CP: variants seen among roughly 807,000 people sequenced by gnomAD.
The protein encoded by CP is caeruloplasmin.
Under a neutral mutation model 122.4 loss-of-function variants are expected in CP, and 64 were observed. That is an observed-to-expected ratio of 0.52 (90% CI 0.43 to 0.64). The LOEUF is 0.64. Among genes scored for constraint, CP ranks in the 30% least tolerant of loss-of-function variants. The pLI is 0.00. For synonymous variants in CP, 440 were observed against 436.4 expected (o/e 1.01, Z -0.10); for missense variants, 1,167 against 1,284.4 (o/e 0.91, Z 1.40).
downstream of CP, among the ~76,000 whole-genome samples, chr3:149,171,667 A>C (rs1725001960): frequency 6.6e-6 from 1 of 151,566 alleles, no homozygotes. Flanking sequence ...TTTTCTTTGA[A>C]GTTATAACAT....
Position 149,210,349 on chromosome 3 carries a change from A to G in CP, c.425T>C (p.Phe142Ser). Residue 142 changes from phenylalanine (F) to serine (S), a missense_variant, in exon 3 of 19, where the codon TTT (phenylalanine) becomes TCT (serine). Physicochemically the swap from Phe to Ser is radical, Grantham distance 155. Coordinates refer to ENST00000264613, the MANE Select transcript of CP (RefSeq NM_000096.4). The stretch of plus-strand genomic sequence containing the variant: ...ATATACTTTGTCATCTGCTCTTTGA[A>G]AATCTGTGGTGTTATCAGGGTAGAT... ...GAIYPDNTTD[F>S]QRADDKVYPG... is the part of the protein sequence containing the mutation. 6.2e-7 allele frequency: 1 copy of G among 1,614,078 alleles called. No individual in the cohort carries two copies. Among genetic ancestry groups the G allele is most frequent in the Non-Finnish European group, 8.5e-7 (1 of 1,179,932 alleles).
chr3:149,188,407 A>G (rs1323667272), intron 9 of CP, among the ~76,000 whole-genome samples: 4 of 140,788 alleles, frequency 2.8e-5, no homozygotes, highest in Non-Finnish European at 6.1e-5. Context: ...TTGTGGTTCA[A>G]TATGGTAATC....
chr3:149,182,070 C>A lies in CP; in HGVS notation c.2489G>T (p.Arg830Met). Residue 830 changes from arginine (R) to methionine (M), a missense_variant, in exon 14 of 19, where the codon AGG becomes ATG. By Grantham distance (91) the Arg-to-Met change is moderately conservative (BLOSUM62 -1). Transcript: ENST00000264613. Reference sequence around the variant, plus strand: ...CCCATGGGCATGTATTGAGTAGGGCCTTGTGGCCATGTTTTTAAAGATAAT... The same window carrying A: ...CCCATGGGCATGTATTGAGTAGGGCATTGTGGCCATGTTTTTAAAGATAAT... ...VKIIFKNMAT[R>M]PYSIHAHGVQ... The A allele has an allele frequency of 6.2e-7, 1 of 1,600,198 alleles. No homozygotes were observed. The highest frequency in any genetic ancestry group is 8.5e-7 in the Non-Finnish European group (1 of 1,173,534).
downstream of CP, among the ~76,000 whole-genome samples, chr3:149,171,614 A>G (rs1173684451): frequency 1.3e-5 from 2 of 152,122 alleles, no homozygotes; most frequent in African/African-American, 4.8e-5. Flanking sequence ...AGGAAAAATA[A>G]GTTACAACCA....
chr3:149,181,357 G>T (rs1324640644), intron 14 of CP, among the ~76,000 whole-genome samples: 1 of 152,116 alleles, frequency 6.6e-6, no homozygotes, highest in Non-Finnish European at 1.5e-5. Context: ...AACTTTAGGT[G>T]TTTTCAGCAA....
chr3:149,182,989 A>G (rs1211049344), intron 13 of CP, among the ~76,000 whole-genome samples: 7 of 152,002 alleles, frequency 4.6e-5, no homozygotes, highest in Non-Finnish European at 1.0e-4. Flanking sequence ...CATCTCTACT[A>G]AAAATACAAA....
Position 149,199,817 on chromosome 3 carries a change from G to T in CP, c.1396C>A (p.His466Asn). ...EVGDTIRVTF[H>N]NKGAYPLSIE... ...CTGAGGGGATATGCTCCTTTGTTAT[G>T]GAAGGTTACTCTGATGGTGTCTCCC... is the stretch of plus-strand genomic sequence containing the variant. Residue 466 changes from histidine to asparagine, a missense_variant, in exon 8 of 19, where the codon CAT (histidine) becomes AAT (asparagine). This residue lies in a region of CP where 642 missense variants were observed against 627.3 expected (regional missense o/e 1.02). Coordinates refer to ENST00000264613, the MANE Select transcript of CP (RefSeq NM_000096.4). The T allele has an allele frequency of 6.2e-7, 1 of 1,614,110 alleles. No homozygotes were observed.
At chr3:149,175,953 T>C (rs1248331928) in intron 18 of CP, 1 of 322,712 alleles carries the variant, frequency 3.1e-6, no homozygotes, top group Non-Finnish European at 5.8e-6. Flanking sequence ...AATGGTTTGT[T>C]TCTTGGTAAA....
chr3:149,185,257 TG>T lies in CP; in HGVS notation c.2266del (p.His756IlefsTer13). 6.2e-7 allele frequency: 1 copy of T among 1,612,956 alleles called. No individual in the cohort carries two copies. Among genetic ancestry groups the T allele is most frequent in the Non-Finnish European group, 8.5e-7 (1 of 1,179,952 alleles). ...SPQREWEKELHHLQEQNVSNA... is the reference protein window; with the variant it reads ...SPQREWEKELXHLQEQNVSNA... ...GAATTACTTCTGCTCTTGTAAATGATGCAGCTCCTTTTCCCACTCCCTTTGT... is the reference window on the plus strand; with the variant it reads ...GAATTACTTCTGCTCTTGTAAATGATCAGCTCCTTTTCCCACTCCCTTTGT... On this transcript the variant is annotated frameshift_variant, in exon 12 of 19. Coordinates refer to ENST00000264613, the MANE Select transcript of CP (RefSeq NM_000096.4). LOFTEE classifies it high-confidence loss of function.
At chr3:149,165,699 G>C (rs1162975056) in intron 5 of CP, among the ~76,000 whole-genome samples, 4 of 152,118 alleles carry the variant, frequency 2.6e-5, no homozygotes, top group African/African-American at 4.8e-5. Flanking sequence ...ATGGGTAGTT[G>C]AAGTTATGAC....
Position 149,212,488 on chromosome 3 carries a change from A to G in CP, c.357T>C (p.Phe119=), listed in dbSNP as rs1559960119. The G allele has an allele frequency of 1.9e-6, 3 of 1,613,962 alleles. No individual in the cohort carries two copies. The highest frequency in any genetic ancestry group is 2.5e-6 in the Non-Finnish European group (3 of 1,179,922). ...LKNLASRPYT[F]HSHGITYYKE... ...TATAGTAAGTTATTCCATGTGAATGAAAGGTGTAGGGCCTAGAGGCAAGGT... is the reference window on the plus strand; with the variant it reads ...TATAGTAAGTTATTCCATGTGAATGGAAGGTGTAGGGCCTAGAGGCAAGGT... The change falls in exon 2 of 19, where the codon TTT becomes TTC. Residue 119 remains phenylalanine, a synonymous_variant. Transcript: ENST00000264613.
intron 17 of CP, chr3:149,176,704 G>C: frequency 5.8e-6 from 2 of 344,158 alleles, no homozygotes; most frequent in Non-Finnish European, 1.1e-5. Context: ...GTTTGTCATA[G>C]CACTTAAGCT....
chr3:149,182,201 C>T, intron 13 of CP, 68 bp from the exon 14 acceptor site: 1 of 1,578,252 alleles, frequency 6.3e-7, no homozygotes, highest in Non-Finnish European at 8.7e-7. Context: ...CAAAGATCAG[C>T]AAAGATAACT....
At chr3:149,220,458 C>T (rs1282789021) in intron 1 of CP, among the ~76,000 whole-genome samples, 1 of 144,554 alleles carries the variant, frequency 6.9e-6, no homozygotes. Flanking sequence ...ATGTCATATT[C>T]CTTAGAAGAT....
chr3:149,181,975 C>CGGGGGGGCG, intron 14 of CP, 30 bp downstream of exon 14: 1 of 1,088,426 alleles, frequency 9.2e-7, no homozygotes. Flanking sequence ...TGTTAAAATG[C>CGGGGGGGCG]ACCACCCCCA....
rs78564431 is a variant in CP, at chr3:149,213,354, T to C, written c.147-656A>G. 5.1e-3 allele frequency among the ~76,000 whole-genome samples: 770 copies of C among 152,378 alleles called. 16 individuals are homozygous for C. In the East Asian group the frequency reaches 0.058, roughly 12 times the overall value. On this transcript the variant is annotated intron_variant, in intron 1 of 18. Transcript: ENST00000264613. ...AGATACTTAACATTGAATGTTTGTA[T>C]TCTAGTGAATGTCCATTAATAGTTG...
chr3:149,220,603 G>A (rs1168175510), intron 1 of CP, among the ~76,000 whole-genome samples: 6 of 151,846 alleles, frequency 4.0e-5, no homozygotes. Context: ...TTGGATATTA[G>A]TATCTGTTAT....
At chr3:149,206,888 A>C (rs560365693) in intron 5 of CP, among the ~76,000 whole-genome samples, 1 of 152,192 alleles carries the variant, frequency 6.6e-6, no homozygotes, top group Non-Finnish European at 1.5e-5. Flanking sequence ...CAGTAGACCA[A>C]TATTAAAAAC....
intron 2 of CP, among the ~76,000 whole-genome samples, chr3:149,210,948 T>G (rs759897989): frequency 6.6e-6 from 1 of 152,188 alleles, no homozygotes; most frequent in Admixed American, 6.5e-5. Context: ...TCATATTCCA[T>G]TCATAAATAC....
Sources: allele counts gnomAD v4.1 joint callset (sites outside exome capture counted in the v4.1 genomes callset), GRCh38; gene constraint gnomAD v4.1.1; regional missense constraint gnomAD v4.1.1; transcripts MANE v1.5; gene names NCBI Gene and HGNC (gene_info 2026-07-23, HGNC 2026-07-21).